LEKR1: variants seen among roughly 807,000 people sequenced by gnomAD.
LEKR1 encodes leucine, glutamate and lysine rich 1, also known as protein LEKR1.
LEKR1 carries 59 observed loss-of-function variants against 72.4 expected under a neutral mutation model. That is an observed-to-expected ratio of 0.82 (90% CI 0.66 to 1.01). The LOEUF is 1.01. LEKR1 is among the 50% of genes least tolerant of loss of function. The probability of loss-of-function intolerance (pLI) is 0.00; values close to 1 mark genes in which losing one functional copy is unlikely to be tolerated. For missense variants in LEKR1, 728 were observed against 759.2 expected, an observed-to-expected ratio of 0.96 and a Z score of 0.48; for synonymous variants, 257 against 263.2, an observed-to-expected ratio of 0.98 and a Z score of 0.23.
At chr3:157,038,303 G>C (rs1735104780) in intron 12 of LEKR1, among the ~76,000 whole-genome samples, 1 of 152,200 alleles carries the variant, frequency 6.6e-6, no homozygotes, top group African/African-American at 2.4e-5. Flanking sequence ...GCAACTGAGA[G>C]AGTGCTGAGA....
intron 10 of LEKR1, among the ~76,000 whole-genome samples, chr3:157,015,038 G>A (rs188173760): frequency 6.6e-6 from 1 of 152,214 alleles, no homozygotes; most frequent in African/African-American, 2.4e-5. Context: ...CAAGATATTG[G>A]ACATCAGGCA....
chr3:157,015,920 T>A (rs1327371050), intron 10 of LEKR1, among the ~76,000 whole-genome samples: 1 of 152,154 alleles, frequency 6.6e-6, no homozygotes, highest in Non-Finnish European at 1.5e-5. Context: ...GATTATCTGA[T>A]ATTAAAAGTA....
intron 2 of LEKR1, among the ~76,000 whole-genome samples, chr3:156,847,928 A>T (rs1714829199): frequency 6.6e-6 from 1 of 152,234 alleles, no homozygotes; most frequent in South Asian, 2.1e-4. Flanking sequence ...ATGAAATAAC[A>T]TTCTAATAGC....
intron 3 of LEKR1, among the ~76,000 whole-genome samples, chr3:156,879,211 C>T (rs1293129772): frequency 3.3e-5 from 5 of 152,064 alleles, no homozygotes; most frequent in African/African-American, 1.2e-4. Flanking sequence ...TGGCTTTGAC[C>T]AAAATCCTGA....
Position 157,024,793 on chromosome 3 carries a change from C to CA in LEKR1, c.1238dup (p.His413GlnfsTer4). 6.2e-7 allele frequency: 1 copy of CA among 1,611,210 alleles called. No homozygotes were observed. Among genetic ancestry groups the CA allele is most frequent in the Non-Finnish European group, 8.5e-7 (1 of 1,179,202 alleles). ...AGAACTTGCCAAGGAAAGGGCCCAA[C>CA]ACTTGGTTGAATTTGAAGAGCAAGC... On this transcript the variant is annotated frameshift_variant, in exon 11 of 13. Coordinates refer to ENST00000356539, the MANE Select transcript of LEKR1 (RefSeq NM_001004316.3). LOFTEE classifies it high-confidence loss of function.
intron 3 of LEKR1, among the ~76,000 whole-genome samples, chr3:156,908,808 G>T (rs1264903264): frequency 6.6e-6 from 1 of 152,062 alleles, no homozygotes; most frequent in African/African-American, 2.4e-5. Flanking sequence ...CTTCTCTTGG[G>T]TCATAACACT....
At chr3:156,899,833 T>C (rs184253485) in intron 3 of LEKR1, among the ~76,000 whole-genome samples, 350 of 151,384 alleles carry the variant, frequency 2.3e-3, no homozygotes, top group South Asian at 3.9e-3. Context: ...TGTATATATA[T>C]GTACATATGT....
At chr3:156,987,890 A>G (rs1730836327) in intron 7 of LEKR1, among the ~76,000 whole-genome samples, 1 of 152,220 alleles carries the variant, frequency 6.6e-6, no homozygotes, top group South Asian at 2.1e-4. Context: ...GGCAATCTTC[A>G]AGCAATTAAA....
intron 6 of LEKR1, among the ~76,000 whole-genome samples, chr3:156,948,330 T>C (rs1726858234): frequency 6.6e-6 from 1 of 151,216 alleles, no homozygotes; most frequent in South Asian, 2.1e-4. Flanking sequence ...AAAAGCTATT[T>C]ATTTTTATAT....
At chr3:156,958,126 G>T (rs977257857) in intron 6 of LEKR1, among the ~76,000 whole-genome samples, 1 of 152,066 alleles carries the variant, frequency 6.6e-6, no homozygotes, top group African/African-American at 2.4e-5. Context: ...ACTTCACTAC[G>T]TACCTATCTG....
chr3:156,998,619 T>G (rs1731768396), intron 9 of LEKR1, among the ~76,000 whole-genome samples: 1 of 152,158 alleles, frequency 6.6e-6, no homozygotes, highest in African/African-American at 2.4e-5. Context: ...GCAAGTTGCT[T>G]ATGTGTAAAT....
rs577770001 is a variant in LEKR1, at chr3:157,025,419, T to A, written c.1368+495T>A. Among the ~76,000 whole-genome samples the A allele has an allele frequency of 2.0e-5, 3 of 152,284 alleles. No individual in the cohort carries two copies. The East Asian group carries it at 5.8e-4, about 29-fold the overall frequency. On this transcript the variant is annotated intron_variant, in intron 11 of 12. Coordinates refer to ENST00000356539, the MANE Select transcript of LEKR1 (RefSeq NM_001004316.3). ...CTAAATACTAAAGGTTTTGTTAAGG[T>A]TTTCCTGTTTTTATAGGACTTGAGT...
At chr3:156,849,996 T>C (rs886721748) in intron 2 of LEKR1, among the ~76,000 whole-genome samples, 29 of 152,106 alleles carry the variant, frequency 1.9e-4, no homozygotes, top group African/African-American at 6.5e-4. Context: ...AGAAAATTTT[T>C]GCAACCTACT....
intron 7 of LEKR1, among the ~76,000 whole-genome samples, chr3:156,991,277 GGT>G (rs1395166667): frequency 4.0e-4 from 61 of 151,808 alleles, no homozygotes; most frequent in Middle Eastern, 3.4e-3. Context: ...TAACCTGGAT[GGT>G]AATCACCAGA....
intron 6 of LEKR1, among the ~76,000 whole-genome samples, chr3:156,963,242 G>A (rs541346980): frequency 1.4e-4 from 22 of 152,172 alleles, no homozygotes; most frequent in Admixed American, 9.8e-4. Context: ...TGTCATACAC[G>A]GCTTCTATAC....
intron 9 of LEKR1, among the ~76,000 whole-genome samples, chr3:157,004,681 G>T (rs1054772482): frequency 6.6e-6 from 1 of 152,022 alleles, no homozygotes; most frequent in Non-Finnish European, 1.5e-5. Context: ...AAATTATCTT[G>T]ACAGTCCCCT....
At chr3:157,028,848 T>G (rs1734397054) in intron 12 of LEKR1, among the ~76,000 whole-genome samples, 1 of 152,222 alleles carries the variant, frequency 6.6e-6, no homozygotes, top group Non-Finnish European at 1.5e-5. Flanking sequence ...CAATGTAAAC[T>G]TATAAGGTAA....
chr3:157,016,311 G>T (rs1253183982), intron 10 of LEKR1, among the ~76,000 whole-genome samples: 1 of 152,018 alleles, frequency 6.6e-6, no homozygotes, highest in Non-Finnish European at 1.5e-5. Flanking sequence ...GTAATAAAAA[G>T]AATATTTTAA....
At chr3:157,022,165 C>G (rs1222719655) in intron 10 of LEKR1, among the ~76,000 whole-genome samples, 1 of 152,156 alleles carries the variant, frequency 6.6e-6, no homozygotes, top group Non-Finnish European at 1.5e-5. Context: ...CTATGACTGG[C>G]ATGAGACTGT....
Sources: gnomAD v4.1 joint callset for allele counts (sites outside exome capture counted in the v4.1 genomes callset) on GRCh38, gnomAD v4.1.1 for gene constraint, MANE v1.5 for transcripts, NCBI Gene and HGNC (gene_info 2026-07-23, HGNC 2026-07-21) for gene names.